BSN: variants seen among roughly 807,000 people sequenced by gnomAD.
BSN encodes the protein protein bassoon.
A neutral mutation model predicts 264.8 loss-of-function variants in BSN; 57 were observed. That is an observed-to-expected ratio of 0.22 (90% CI 0.17 to 0.27). The LOEUF (loss-of-function observed/expected upper bound fraction) is 0.27, where lower values mean the gene tolerates loss of function less well. Ranked by LOEUF, BSN falls within the 10% of genes least tolerant of loss-of-function variation. The pLI is 1.00. For missense variants in BSN, 4,615 were observed against 5,232.5 expected (o/e 0.88, Z 3.64); for synonymous variants, 2,059 against 2,137.3 (o/e 0.96, Z 1.01).
intron 2 of BSN, among the ~76,000 whole-genome samples, chr3:49,634,840 G>C (rs1275532426): frequency 1.3e-5 from 2 of 152,126 alleles, no homozygotes; most frequent in Non-Finnish European, 2.9e-5. Context: ...ATATGTGTGT[G>C]CATATATATA....
intron 1 of BSN, among the ~76,000 whole-genome samples, chr3:49,605,515 T>TATATATTATATATATTATATATTATATA (rs2052115510): frequency 2.8e-4 from 1 of 3,526 alleles, no homozygotes; most frequent in Non-Finnish European, 4.4e-4. Flanking sequence ...TATTATATAA[T>TATATATTATATATATTATATATTATATA]ATATATATAA....
In BSN at chr3:49,657,310, T is replaced by A. The variant is rs1274233973; in HGVS notation, c.7754T>A (p.Val2585Glu). The change falls in exon 5 of 12, where the codon GTG becomes GAG. Residue 2585 changes from valine to glutamate, a missense_variant. Transcript: ENST00000296452. ...CVVRRIADSS[V>E]QTDDEDGESR... ...GTCAGGAGGATTGCCGACAGCAGCGTGCAGACAGACGATGAGGATGGGGAG... is the reference window on the plus strand; with the variant it reads ...GTCAGGAGGATTGCCGACAGCAGCGAGCAGACAGACGATGAGGATGGGGAG... The A allele has an allele frequency of 6.2e-7, 1 of 1,613,460 alleles. No homozygotes were observed. Among genetic ancestry groups the A allele is most frequent in the Non-Finnish European group, 8.5e-7 (1 of 1,179,974 alleles).
Position 49,625,573 on chromosome 3 carries a change from C to T in BSN, c.633+190C>T, listed in dbSNP as rs977848902. Among the ~76,000 whole-genome samples, 5 of 152,244 alleles carry T rather than the reference C, an allele frequency of 3.3e-5. No homozygotes were observed. The highest frequency in any genetic ancestry group is 4.8e-5 in the African/African-American group (2 of 41,466). On this transcript the variant is annotated intron_variant, in intron 2 of 11. Coordinates refer to ENST00000296452, the MANE Select transcript of BSN (RefSeq NM_003458.4). This position sits in a 1 kb window ranked among gnomAD's most constrained non-coding sequence, Gnocchi z 4.4. Reference sequence around the variant, plus strand: ...CAAAGAACAGGGCCTGGCCCCAGATCTCCCAAGGGATTTCTGCATCCCCTG... The same window carrying T: ...CAAAGAACAGGGCCTGGCCCCAGATTTCCCAAGGGATTTCTGCATCCCCTG...
chr3:49,596,704 G>A (rs542421897), intron 1 of BSN, among the ~76,000 whole-genome samples: 1 of 152,192 alleles, frequency 6.6e-6, no homozygotes, highest in African/African-American at 2.4e-5. Context: ...AGGATGGAGT[G>A]TAGTCTTAGT....
chr3:49,607,568 GCA>G (rs891122586), intron 1 of BSN, among the ~76,000 whole-genome samples: 7 of 152,200 alleles, frequency 4.6e-5, no homozygotes, highest in African/African-American at 7.2e-5. Flanking sequence ...TCACGTGTGA[GCA>G]CACACTACAC....
intron 1 of BSN, among the ~76,000 whole-genome samples, chr3:49,618,910 T>C (rs1035197808): frequency 1.3e-5 from 2 of 152,224 alleles, no homozygotes; most frequent in African/African-American, 4.8e-5. Flanking sequence ...TTTAAAAAAA[T>C]ATTTTAATTA....
At chr3:49,605,551 T>A (rs1244221871) in intron 1 of BSN, among the ~76,000 whole-genome samples, 2 of 1,808 alleles carry the variant, frequency 1.1e-3, no homozygotes, top group Non-Finnish European at 1.9e-3. Flanking sequence ...ATATATATTT[T>A]ATATAATATA....
intron 1 of BSN, among the ~76,000 whole-genome samples, chr3:49,622,867 C>T (rs891643696): frequency 1.1e-4 from 17 of 152,190 alleles, no homozygotes; most frequent in African/African-American, 3.9e-4. Flanking sequence ...AAAGATGGCC[C>T]TGAGGGGTTG....
At chr3:49,615,136 A>ATG (rs2052249747) in intron 1 of BSN, among the ~76,000 whole-genome samples, 1 of 152,228 alleles carries the variant, frequency 6.6e-6, no homozygotes, top group South Asian at 2.1e-4. Flanking sequence ...TGCCTTAAAC[A>ATG]TGTTCTCTTC....
At chr3:49,621,524 T>A (rs767575636) in intron 1 of BSN, among the ~76,000 whole-genome samples, 1 of 152,068 alleles carries the variant, frequency 6.6e-6, no homozygotes, top group Non-Finnish European at 1.5e-5. Flanking sequence ...AAGGGAGTGA[T>A]CACCCAGGAT....
chr3:49,576,212 C>T (rs1417259286), intron 1 of BSN, among the ~76,000 whole-genome samples: 1 of 152,062 alleles, frequency 6.6e-6, no homozygotes, highest in East Asian at 1.9e-4. Flanking sequence ...TGCTCCATCT[C>T]TGAGGGCACT....
chr3:49,583,338 A>G (rs939265990), intron 1 of BSN, among the ~76,000 whole-genome samples: 33 of 152,190 alleles, frequency 2.2e-4, no homozygotes, highest in Admixed American at 4.6e-4. Flanking sequence ...AGGATGTACA[A>G]TACTTCTAAT....
chr3:49,593,239 A>G (rs1027274245), intron 1 of BSN, among the ~76,000 whole-genome samples: 4 of 152,110 alleles, frequency 2.6e-5, no homozygotes, highest in African/African-American at 7.2e-5. Flanking sequence ...AGTTCATTCC[A>G]TTTTATTGCT....
At chr3:49,635,941 T>C (rs2052416958) in intron 2 of BSN, among the ~76,000 whole-genome samples, 1 of 150,474 alleles carries the variant, frequency 6.6e-6, no homozygotes, top group Non-Finnish European at 1.5e-5. Context: ...ATCATGGCAC[T>C]GCACTTCAGA....
chr3:49,595,494 ATT>A (rs985130044), intron 1 of BSN, among the ~76,000 whole-genome samples: 1 of 145,716 alleles, frequency 6.9e-6, no homozygotes, highest in African/African-American at 2.5e-5. Context: ...CGGCCTCACA[ATT>A]TTTTTTTTTT....
Position 49,642,461 on chromosome 3 carries a change from C to A in BSN, c.827C>A (p.Ser276Tyr). Residue 276 changes from serine (S) to tyrosine (Y), a missense_variant, in exon 3 of 12, where the codon TCC (serine) becomes TAC (tyrosine). Ser to Tyr is a moderately radical substitution (Grantham distance 144). Transcript: ENST00000296452. This position sits in a 1 kb window ranked among gnomAD's most constrained non-coding sequence, Gnocchi z 7.0. ...GGCCCAGGAGGACCACAGCCTGGGT[C>A]CCGCCAGGCTGAGACAGCCAGGGCC... Reference protein sequence around the residue: ...SRGPGGPQPGSRQAETARATS... With the variant: ...SRGPGGPQPGYRQAETARATS... 6.3e-7 allele frequency: 1 copy of A among 1,587,054 alleles called. No homozygotes were observed. The highest frequency in any genetic ancestry group is 1.1e-5 in the South Asian group (1 of 87,164).
In BSN at chr3:49,664,833, C is replaced by G. The variant is rs779192285; in HGVS notation, c.11775C>G (p.Phe3925Leu). 3.1e-6 allele frequency: 5 copies of G among 1,612,164 alleles called. No homozygotes were observed. Among genetic ancestry groups the G allele is most frequent in the Non-Finnish European group, 4.2e-6 (5 of 1,179,474 alleles). ...CTTTTGGCAAAAAATTTTCCTCATT[C>G]TGGTGACCATGCCCAGCATGGTGAG... is the stretch of plus-strand genomic sequence containing the variant. ...VSAFGKKFSS[F>L]W is the part of the protein sequence containing the mutation. Residue 3925 changes from phenylalanine to leucine, a missense_variant, in exon 10 of 12, where the codon TTC (phenylalanine) becomes TTG (leucine). Physicochemically the swap from Phe to Leu is conservative, Grantham distance 22. Around this residue, in one of 3 missense-constraint regions of BSN, gnomAD observed 3,415 missense variants for 3,866.4 expected, o/e 0.88. Transcript: ENST00000296452.
intron 1 of BSN, among the ~76,000 whole-genome samples, chr3:49,555,678 A>C (rs1015495476): frequency 2.0e-5 from 3 of 152,250 alleles, no homozygotes; most frequent in African/African-American, 4.8e-5. Context: ...ATGCCAATAT[A>C]TAATAAGTCA....
intron 1 of BSN, among the ~76,000 whole-genome samples, chr3:49,571,795 G>T (rs1164254500): frequency 6.6e-6 from 1 of 152,122 alleles, no homozygotes; most frequent in Non-Finnish European, 1.5e-5. Context: ...AGTGATTCTG[G>T]TAACGTGTAC....
Sources: gnomAD v4.1 joint callset for allele counts (sites outside exome capture counted in the v4.1 genomes callset) on GRCh38, gnomAD v4.1.1 for gene constraint, gnomAD v4.1.1 regional missense constraint, Gnocchi (gnomAD v3.1) non-coding constraint, MANE v1.5 for transcripts, NCBI Gene and HGNC (gene_info 2026-07-23, HGNC 2026-07-21) for gene names.